Variants in BCCIP observed in about 807,000 individuals in gnomAD.
The protein encoded by BCCIP is BRCA2 and CDKN1A-interacting protein.
In BCCIP, 23 loss-of-function variants were observed where a neutral mutation model predicts 32.8. The observed-to-expected ratio is 0.70, with a 90% CI of 0.51 to 0.99. The LOEUF (loss-of-function observed/expected upper bound fraction) is 0.99. Ranked by LOEUF, BCCIP falls within the 50% of genes least tolerant of loss-of-function variation. BCCIP has a pLI of 0.00. For synonymous variants in BCCIP, 144 were observed against 137.6 expected, an observed-to-expected ratio of 1.05 and a Z score of -0.33; for missense variants, 378 against 379.8, an observed-to-expected ratio of 1.00 and a Z score of 0.04.
Position 125,823,646 on chromosome 10 carries a change from A to T in BCCIP, c.89A>T (p.Lys30Ile). The T allele has an allele frequency of 6.2e-7, 1 of 1,614,154 alleles. No individual in the cohort carries two copies. The highest frequency in any genetic ancestry group is 8.5e-7 in the Non-Finnish European group (1 of 1,180,018). ...PPVQRDEEEE[K>I]EVENEDEDDD... ...GTCCAGCGCGACGAGGAAGAGGAAA[A>T]AGAAGTCGAAAATGAGGATGAAGAC... Residue 30 changes from lysine (K) to isoleucine (I), a missense_variant, in exon 1 of 7, where the codon AAA becomes ATA. Transcript: ENST00000278100.
At chr10:125,836,776 C>G (rs531809485), downstream of BCCIP, 9 of 1,613,966 alleles carry the variant, frequency 5.6e-6, no homozygotes, top group East Asian at 2.2e-5. Context: ...GATAGGTGAT[C>G]CACTACTTGC....
rs1236479191 is a variant in BCCIP, at chr10:125,836,065, T to C, written c.775-39T>C. The C allele has an allele frequency of 3.9e-6, 6 of 1,554,756 alleles. No individual in the cohort carries two copies. The Admixed American group carries it at 6.8e-5, about 18-fold the overall frequency. On this transcript the variant is annotated intron_variant, in intron 6 of 6. Coordinates refer to ENST00000278100, the MANE Select transcript of BCCIP (RefSeq NM_078468.3). Reference sequence around the variant, plus strand: ...GATCAAATGGGTTTTGTCTTTGGGTTGTCCCGATTTTTAATTCATGGTTAC... The same window carrying C: ...GATCAAATGGGTTTTGTCTTTGGGTCGTCCCGATTTTTAATTCATGGTTAC...
downstream of BCCIP, among the ~76,000 whole-genome samples, chr10:125,839,392 G>GGTGCCACCGACAGCACCC (rs1854805299): frequency 1.3e-5 from 2 of 152,232 alleles, no homozygotes; most frequent in Non-Finnish European, 2.9e-5. Flanking sequence ...GAAGGGAGAC[G>GGTGCCACCGACAGCACCC]GTGCCACCGA....
chr10:125,850,726 G>C (rs1411740221), intron 7 of BCCIP, among the ~76,000 whole-genome samples: 1 of 152,162 alleles, frequency 6.6e-6, no homozygotes, highest in African/African-American at 2.4e-5. Flanking sequence ...ATGCCTGTTT[G>C]TGTTTGGGTT....
intron 3 of BCCIP, among the ~76,000 whole-genome samples, chr10:125,829,829 A>G (rs569572144): frequency 6.6e-6 from 1 of 152,370 alleles, no homozygotes; most frequent in East Asian, 1.9e-4. Context: ...ATCTAATGGC[A>G]GGATTCACTC....
At chr10:125,825,007 T>G (rs1590047875) in intron 1 of BCCIP, among the ~76,000 whole-genome samples, 1 of 152,364 alleles carries the variant, frequency 6.6e-6, no homozygotes, top group East Asian at 1.9e-4. Flanking sequence ...CAATCTTCCT[T>G]CCCTTACAAA....
At chr10:125,837,010 A>C (rs72830596), downstream of BCCIP, among the ~76,000 whole-genome samples, 575 of 152,334 alleles carry the variant, frequency 3.8e-3, 5 homozygotes, top group Middle Eastern at 0.017. Flanking sequence ...ACTTTGTAAA[A>C]TAAATACTTT....
downstream of BCCIP, chr10:125,841,369 T>C (rs1205638942): frequency 6.2e-7 from 1 of 1,613,324 alleles, no homozygotes; most frequent in Admixed American, 1.7e-5. Flanking sequence ...AATTAAAACA[T>C]ACAAGCCAGG....
downstream of BCCIP, among the ~76,000 whole-genome samples, chr10:125,839,698 T>C (rs3781058): frequency 0.38 from 58,501 of 152,092 alleles, 11,640 homozygotes; most frequent in Non-Finnish European, 0.44. Flanking sequence ...AATTATGTTA[T>C]AGTTAAGCTC....
chr10:125,838,964 G>A (rs757932974), downstream of BCCIP: 4 of 1,586,336 alleles, frequency 2.5e-6, no homozygotes, highest in Non-Finnish European at 3.4e-6. Context: ...GTGCAATTCA[G>A]CAGAGCCTAT....
At chr10:125,850,392 T>C (rs1944075416) in intron 7 of BCCIP, among the ~76,000 whole-genome samples, 1 of 150,002 alleles carries the variant, frequency 6.7e-6, no homozygotes, top group East Asian at 2.0e-4. Context: ...AGTTTTGCTC[T>C]TGTTGCCCAG....
chr10:125,827,131 T>G (rs569311476), intron 2 of BCCIP, among the ~76,000 whole-genome samples: 99 of 141,396 alleles, frequency 7.0e-4, no homozygotes, highest in African/African-American at 2.3e-3. Flanking sequence ...AGTTATTTTG[T>G]TTTTTTTTTT....
chr10:125,835,318 T>A (rs4424590), intron 6 of BCCIP, among the ~76,000 whole-genome samples: 2 of 150,786 alleles, frequency 1.3e-5, no homozygotes, highest in Non-Finnish European at 3.0e-5. Flanking sequence ...CGGTGGCTCA[T>A]GCCTGTAATC....
rs548858356 is a variant in BCCIP at position 125,849,588 on chromosome 10, AGAATATTTGCTC to A, written c.851-3534_851-3523del. Among the ~76,000 whole-genome samples, 343 of 152,236 alleles carry A rather than the reference AGAATATTTGCTC, an allele frequency of 2.3e-3. 1 individual carries two copies. Among genetic ancestry groups the A allele is most frequent in the African/African-American group, 7.7e-3 (321 of 41,548 alleles). ...GCTGTGGCCTCCTGACAGTCATGCT[AGAATATTTGCTC>A]GACTCTCTGGGCTGTTTGGGCAGTG... On this transcript the variant is annotated intron_variant, in intron 7 of 7. Transcript: ENST00000368759.
At chr10:125,839,133 C>T, downstream of BCCIP, 1 of 1,614,224 alleles carries the variant, frequency 6.2e-7, no homozygotes, top group South Asian at 1.1e-5. Flanking sequence ...TAACATCTGC[C>T]ATTCTGAGTG....
rs7088155 is a variant in BCCIP, at chr10:125,850,777, A to G, written c.851-2348A>G. Reference sequence around the variant, plus strand: ...AATCCAAAGAATCATAGATCATACCAAAGCCAGTCATCTGGCTACTACCAA... The same window carrying G: ...AATCCAAAGAATCATAGATCATACCGAAGCCAGTCATCTGGCTACTACCAA... On this transcript the variant is annotated intron_variant, in intron 7 of 7. Transcript: ENST00000368759. 1.5e-3 allele frequency among the ~76,000 whole-genome samples: 233 copies of G among 152,346 alleles called. 1 individual carries two copies. The highest frequency in any genetic ancestry group is 5.4e-3 in the African/African-American group (223 of 41,568).
chr10:125,832,585 A>T (rs1854548458), intron 5 of BCCIP, among the ~76,000 whole-genome samples: 1 of 151,372 alleles, frequency 6.6e-6, no homozygotes, highest in South Asian at 2.1e-4. Flanking sequence ...GCTGGAGCTC[A>T]CATTTATTTG....
chr10:125,848,498 T>G (rs1211007828), intron 7 of BCCIP, among the ~76,000 whole-genome samples: 1 of 152,086 alleles, frequency 6.6e-6, no homozygotes. Flanking sequence ...ATATGTAAAG[T>G]GAGGTTTTGA....
chr10:125,836,803 T>A, downstream of BCCIP: 3 of 1,614,170 alleles, frequency 1.9e-6, no homozygotes, highest in Non-Finnish European at 2.5e-6. Context: ...ATGTCCTTAC[T>A]TTCACTAGGA....
Sources: gnomAD v4.1 joint callset for allele counts (sites outside exome capture counted in the v4.1 genomes callset) on GRCh38, gnomAD v4.1.1 for gene constraint, MANE v1.5 for transcripts, NCBI Gene and HGNC (gene_info 2026-07-23, HGNC 2026-07-21) for gene names.